MAP1B: variants seen among roughly 807,000 people sequenced by gnomAD.
MAP1B encodes the protein microtubule-associated protein 1B.
A neutral mutation model predicts 176.1 loss-of-function variants in MAP1B; 12 were observed. The observed-to-expected ratio is 0.07, with a 90% CI of 0.04 to 0.11. The LOEUF (loss-of-function observed/expected upper bound fraction) is 0.11, where lower values mean the gene tolerates loss of function less well. Among genes scored for constraint, MAP1B ranks in the 10% least tolerant of loss-of-function variants. The pLI is 1.00. For missense variants in MAP1B, 2,523 were observed against 2,990.5 expected (o/e 0.84, Z 3.65); for synonymous variants, 1,044 against 1,135.0 (o/e 0.92, Z 1.61).
intron 1 of MAP1B, among the ~76,000 whole-genome samples, chr5:72,112,458 C>A (rs1745360405): frequency 6.6e-6 from 1 of 152,182 alleles, no homozygotes; most frequent in African/African-American, 2.4e-5. Context: ...GACTTCTCCT[C>A]ATTTTTCACC....
rs766247448 is a variant in MAP1B, at chr5:72,195,707, CATT to C, written c.2354_2356del (p.Ile785del). 198 of 1,614,072 alleles carry C rather than the reference CATT, an allele frequency of 1.2e-4. No individual in the cohort carries two copies. The highest frequency in any genetic ancestry group is 4.9e-4 in the Middle Eastern group (3 of 6,082). ...CAAAGGAGAAGGGGAAAATAAAAGTCATTAAGAAGGAAGGCAAGGCCGCAGAGG... is the reference window on the plus strand; with the variant it reads ...CAAAGGAGAAGGGGAAAATAAAAGTCAAGAAGGAAGGCAAGGCCGCAGAGG... On this transcript the variant is annotated inframe_deletion, in exon 5 of 7. Coordinates refer to ENST00000296755, the MANE Select transcript of MAP1B (RefSeq NM_005909.5).
chr5:72,118,432 A>AC (rs1199012011), intron 2 of MAP1B, among the ~76,000 whole-genome samples: 2 of 152,182 alleles, frequency 1.3e-5, no homozygotes, highest in Non-Finnish European at 2.9e-5. Flanking sequence ...CCTACAATAT[A>AC]CCAGGCATTA....
intron 1 of MAP1B, among the ~76,000 whole-genome samples, chr5:72,113,720 A>G (rs1411083631): frequency 2.6e-5 from 4 of 152,258 alleles, no homozygotes; most frequent in Non-Finnish European, 5.9e-5. Context: ...TAGAAGACAA[A>G]GTAGAGCTCA....
chr5:72,187,204 C>T (rs1746926851), intron 4 of MAP1B, among the ~76,000 whole-genome samples: 1 of 152,044 alleles, frequency 6.6e-6, no homozygotes. Flanking sequence ...TTTGAACAGC[C>T]CACAAAAGAG....
At chr5:72,125,489 A>T (rs1745611679) in intron 2 of MAP1B, among the ~76,000 whole-genome samples, 1 of 152,188 alleles carries the variant, frequency 6.6e-6, no homozygotes, top group Non-Finnish European at 1.5e-5. Flanking sequence ...ATGTTCCTGC[A>T]GCAAGGCACA....
chr5:72,153,362 A>G (rs1014525425), intron 2 of MAP1B, among the ~76,000 whole-genome samples: 1 of 152,122 alleles, frequency 6.6e-6, no homozygotes, highest in Admixed American at 6.5e-5. Context: ...ACCACAATGG[A>G]TTTGACAAGA....
At chr5:72,156,997 C>T (rs895154572) in intron 2 of MAP1B, among the ~76,000 whole-genome samples, 1 of 152,192 alleles carries the variant, frequency 6.6e-6, no homozygotes, top group Admixed American at 6.5e-5. Context: ...GTTAAACCTT[C>T]CCAGTTCCTA....
intron 1 of MAP1B, among the ~76,000 whole-genome samples, chr5:72,109,488 C>T (rs935502777): frequency 3.9e-5 from 6 of 151,974 alleles, no homozygotes; most frequent in Non-Finnish European, 8.8e-5. Context: ...GGATTTTTTT[C>T]TTTAAAAAAT....
chr5:72,197,892 T>C lies in MAP1B; in HGVS notation c.4537T>C (p.Phe1513Leu). 1 of 1,614,232 alleles carries C rather than the reference T, an allele frequency of 6.2e-7. No homozygotes were observed. The highest frequency in any genetic ancestry group is 8.5e-7 in the Non-Finnish European group (1 of 1,180,038). ...AATAGATGTCAGTCAGTTTGGATCT[T>C]TTAAAGAAGACACTAAGATGTCCAT... The part of the protein sequence containing the change: ...TQIDVSQFGS[F>L]KEDTKMSISE... Residue 1513 changes from phenylalanine to leucine, a missense_variant, in exon 5 of 7, where the codon TTT becomes CTT. By Grantham distance (22) the Phe-to-Leu change is conservative. Transcript: ENST00000296755.
intron 1 of MAP1B, among the ~76,000 whole-genome samples, chr5:72,114,273 A>C (rs953074062): frequency 1.3e-5 from 2 of 152,168 alleles, no homozygotes; most frequent in Non-Finnish European, 2.9e-5. Flanking sequence ...GGATAGGAAG[A>C]CTGAATACAA....
Position 72,196,431 on chromosome 5 carries a change from G to A in MAP1B, c.3076G>A (p.Ala1026Thr). The A allele has an allele frequency of 6.2e-7, 1 of 1,613,906 alleles. No individual in the cohort carries two copies. Among genetic ancestry groups the A allele is most frequent in the Non-Finnish European group, 8.5e-7 (1 of 1,180,022 alleles). Residue 1026 changes from alanine (A) to threonine (T), a missense_variant, in exon 5 of 7, where the codon GCT becomes ACT. Physicochemically the swap from Ala to Thr is moderately conservative, Grantham distance 58. Transcript: ENST00000296755. The surrounding 1 kb of genome is among the most constrained non-coding windows in gnomAD (Gnocchi z 5.3). Reference protein sequence around the residue: ...SEEEADEEDKAEDAREEEYEP... With the variant: ...SEEEADEEDKTEDAREEEYEP... The stretch of plus-strand genomic sequence containing the variant: ...AGAGGAGGCTGATGAGGAGGACAAA[G>A]CTGAAGATGCCAGAGAGGAGGAATA...
At position 72,149,983 on chromosome 5, in the gene MAP1B, A is replaced by G. The variant is rs926311412; in HGVS notation, c.287-33760A>G. Among the ~76,000 whole-genome samples the G allele has an allele frequency of 5.3e-5, 8 of 152,296 alleles. No individual in the cohort carries two copies. The East Asian group carries it at 1.5e-3, about 29-fold the overall frequency. The stretch of plus-strand genomic sequence containing the variant: ...TTTATTTTAGGATTTGGCTGTGTGT[A>G]TGTGTCTGAGTGGGTATATCATGTG... On this transcript the variant is annotated intron_variant, in intron 2 of 6. Transcript: ENST00000296755.
intron 2 of MAP1B, among the ~76,000 whole-genome samples, chr5:72,147,815 G>T (rs1746073097): frequency 6.6e-6 from 1 of 152,184 alleles, no homozygotes; most frequent in Admixed American, 6.5e-5. Flanking sequence ...GAAACTTGCT[G>T]ACTATAAAAT....
intron 2 of MAP1B, among the ~76,000 whole-genome samples, chr5:72,151,359 T>C (rs901862933): frequency 1.3e-5 from 2 of 152,070 alleles, no homozygotes; most frequent in African/African-American, 2.4e-5. Flanking sequence ...CACCCTCACA[T>C]TGGGGATCAA....
chr5:72,194,532 A>G lies in MAP1B; in HGVS notation c.1177A>G (p.Met393Val), dbSNP rs759173862. Residue 393 changes from methionine to valine, a missense_variant, in exon 5 of 7, where the codon ATG (methionine) becomes GTG (valine). Physicochemically the swap from Met to Val is conservative, Grantham distance 21. Coordinates refer to ENST00000296755, the MANE Select transcript of MAP1B (RefSeq NM_005909.5). The surrounding 1 kb of genome is among the most constrained non-coding windows in gnomAD (Gnocchi z 7.2). The stretch of plus-strand genomic sequence containing the variant: ...TCTCCAGTACCTAAACAAATTGTCC[A>G]TGAAACCAGAACCTCTGTTTAGAAG... ...FTLQYLNKLS[M>V]KPEPLFRSVG... 2.5e-6 allele frequency: 4 copies of G among 1,614,176 alleles called. No individual in the cohort carries two copies. The Admixed American group carries it at 5.0e-5, about 20-fold the overall frequency.
At chr5:72,168,698 T>C (rs754632810) in intron 2 of MAP1B, among the ~76,000 whole-genome samples, 1 of 152,218 alleles carries the variant, frequency 6.6e-6, no homozygotes, top group Non-Finnish European at 1.5e-5. Context: ...TTCAGTCTTT[T>C]AAAAAGAAGA....
intron 3 of MAP1B, among the ~76,000 whole-genome samples, chr5:72,185,655 T>G (rs1746881813): frequency 1.3e-5 from 2 of 150,734 alleles, no homozygotes. Context: ...CCAGGCAAAC[T>G]GCCCGGAAGA....
At chr5:72,170,169 T>C (rs996690276) in intron 2 of MAP1B, among the ~76,000 whole-genome samples, 1 of 152,212 alleles carries the variant, frequency 6.6e-6, no homozygotes, top group African/African-American at 2.4e-5. Flanking sequence ...GCTTTAGTAG[T>C]ATGGCTCTTT....
intron 2 of MAP1B, among the ~76,000 whole-genome samples, chr5:72,124,034 T>C (rs1424893827): frequency 2.0e-5 from 3 of 151,748 alleles, no homozygotes; most frequent in African/African-American, 4.8e-5. Flanking sequence ...AAATGGAGAG[T>C]ATAATAAGCA....
Sources: gnomAD v4.1 joint callset for allele counts (sites outside exome capture counted in the v4.1 genomes callset) on GRCh38, gnomAD v4.1.1 for gene constraint, Gnocchi (gnomAD v3.1) non-coding constraint, MANE v1.5 for transcripts, NCBI Gene and HGNC (gene_info 2026-07-23, HGNC 2026-07-21) for gene names.